PPP1R12A: variants seen among roughly 807,000 people sequenced by gnomAD.
PPP1R12A encodes myosin binding subunit.
In PPP1R12A, 19 loss-of-function variants were observed where a neutral mutation model predicts 139.6. The observed-to-expected ratio is 0.14, with a 90% CI of 0.09 to 0.20. The LOEUF is 0.20. Ranked by LOEUF, PPP1R12A falls within the 10% of genes least tolerant of loss-of-function variation. The pLI is 1.00. For synonymous variants in PPP1R12A, 427 were observed against 420.6 expected, an observed-to-expected ratio of 1.02 and a Z score of -0.19; for missense variants, 925 against 1,211.5, an observed-to-expected ratio of 0.76 and a Z score of 3.51.
chr12:79,873,840 T>C (rs1290317373), intron 1 of PPP1R12A, among the ~76,000 whole-genome samples: 2 of 152,208 alleles, frequency 1.3e-5, no homozygotes, highest in African/African-American at 4.8e-5. Context: ...TGAAAAGCAC[T>C]TGTGACATTG....
chr12:79,817,915 G>A (rs1195125336), intron 8 of PPP1R12A, among the ~76,000 whole-genome samples: 1 of 152,194 alleles, frequency 6.6e-6, no homozygotes, highest in African/African-American at 2.4e-5. Flanking sequence ...ATCTAAAACT[G>A]ATGGTTCCTC....
In PPP1R12A at chr12:79,796,172, T is replaced by C. The variant is rs556757063; in HGVS notation, c.2462-413A>G. On this transcript the variant is annotated intron_variant, in intron 17 of 24. Coordinates refer to ENST00000450142, the MANE Select transcript of PPP1R12A (RefSeq NM_002480.3). ...TTACTACTGATATTATCATGACTAA[T>C]ACTGTAAGATTTAGGCTTTAAAATA... Among the ~76,000 whole-genome samples the C allele has an allele frequency of 9.2e-5, 14 of 152,296 alleles. No individual in the cohort carries two copies. In the South Asian group the frequency reaches 2.9e-3, roughly 32 times the overall value.
intron 14 of PPP1R12A, among the ~76,000 whole-genome samples, chr12:79,804,658 T>C (rs937759921): frequency 1.3e-5 from 2 of 151,594 alleles, no homozygotes; most frequent in African/African-American, 4.8e-5. Flanking sequence ...AAAAAAAAAT[T>C]AGTTACATAG....
intron 3 of PPP1R12A, among the ~76,000 whole-genome samples, chr12:79,842,708 C>CT (rs1002284417): frequency 1.6e-4 from 23 of 147,764 alleles, no homozygotes; most frequent in South Asian, 6.5e-4. Context: ...ACCATCTTAA[C>CT]TTTTTTTTTT....
At chr12:79,820,016 T>C (rs1875896123) in intron 8 of PPP1R12A, among the ~76,000 whole-genome samples, 1 of 150,670 alleles carries the variant, frequency 6.6e-6, no homozygotes, top group South Asian at 2.1e-4. Flanking sequence ...AAAAGATGTA[T>C]AACAATTCCT....
Position 79,873,496 on chromosome 12 carries a change from T to TAAA in PPP1R12A, c.238-561_238-559dup, listed in dbSNP as rs35604870. Among the ~76,000 whole-genome samples, 392 of 134,758 alleles carry TAAA rather than the reference T, an allele frequency of 2.9e-3. 2 individuals are homozygous for TAAA. The highest frequency in any genetic ancestry group is 0.01 in the African/African-American group (367 of 35,926). The allele number at this position is 134,758 out of a possible 152,430, so 88.4% of individuals were successfully genotyped here. A position where few individuals can be genotyped will look rare whatever the true frequency, so the allele number is the denominator to read the frequency against. ...TTTCAACCACTTTGTACTCATAATT[T>TAAA]AAAAAAAAAAAAAAAAAAACATTGC... On this transcript the variant is annotated intron_variant, in intron 1 of 24. Coordinates refer to ENST00000450142, the MANE Select transcript of PPP1R12A (RefSeq NM_002480.3).
At chr12:79,806,476 G>A (rs747960007) in intron 12 of PPP1R12A, 143 bp from the exon 13 acceptor site, 2 of 695,258 alleles carry the variant, frequency 2.9e-6, no homozygotes, top group Non-Finnish European at 4.6e-6. Context: ...AGCACCAAGA[G>A]TTGCATCTAC....
At chr12:79,857,705 A>G (rs1218169439) in intron 2 of PPP1R12A, among the ~76,000 whole-genome samples, 3 of 152,190 alleles carry the variant, frequency 2.0e-5, no homozygotes, top group African/African-American at 7.2e-5. Context: ...TGGTCCATTT[A>G]GTCTACCAAG....
intron 1 of PPP1R12A, among the ~76,000 whole-genome samples, chr12:79,903,049 T>C (rs1351397935): frequency 6.6e-6 from 1 of 152,046 alleles, no homozygotes; most frequent in Non-Finnish European, 1.5e-5. Flanking sequence ...TCAAGAGTAA[T>C]GGTGATGCCA....
rs1869531334 is a variant in PPP1R12A, at chr12:79,774,482, T to C, written c.*1447A>G. The stretch of plus-strand genomic sequence containing the variant: ...ACTATAAGCTTTACAATGTACAATT[T>C]ATTCAAATGGCTGAACTGTTCAGTG... On this transcript the variant is annotated 3_prime_UTR_variant, in exon 25 of 25. Coordinates refer to ENST00000450142, the MANE Select transcript of PPP1R12A (RefSeq NM_002480.3). 6.6e-6 allele frequency: 1 copy of C among 152,610 alleles called. No individual in the cohort carries two copies. The highest frequency in any genetic ancestry group is 1.5e-5 in the Non-Finnish European group (1 of 67,996). 9.5% of individuals were successfully genotyped at this position (152,610 alleles called of 1,614,324 possible). A position where few individuals can be genotyped will look rare whatever the true frequency, so the allele number is the denominator to read the frequency against.
intron 1 of PPP1R12A, among the ~76,000 whole-genome samples, chr12:79,917,832 TAG>T (rs1174019550): frequency 2.6e-5 from 4 of 152,234 alleles, no homozygotes; most frequent in Non-Finnish European, 5.9e-5. Context: ...TGAGAGAAGT[TAG>T]AGATTGTTAA....
chr12:79,926,183 A>G (rs1222425502), intron 1 of PPP1R12A, among the ~76,000 whole-genome samples: 1 of 152,088 alleles, frequency 6.6e-6, no homozygotes, highest in Non-Finnish European at 1.5e-5. Flanking sequence ...TAAATCTAAC[A>G]TCCCAATAAT....
rs564799693 is a variant in PPP1R12A, at chr12:79,919,754, T to A, written c.237+14941A>T. ...TGTCTGGCTGTTCTGTTCACCATCA[T>A]AATTATAGTGACTAATACCAAGCCT... is the stretch of plus-strand genomic sequence containing the variant. On this transcript the variant is annotated intron_variant, in intron 1 of 24. Coordinates refer to ENST00000450142, the MANE Select transcript of PPP1R12A (RefSeq NM_002480.3). Among the ~76,000 whole-genome samples the A allele has an allele frequency of 5.9e-5, 9 of 152,286 alleles. No individual in the cohort carries two copies. The South Asian group carries it at 1.9e-3, about 32-fold the overall frequency.
chr12:79,776,424 G>C (rs1163472786), intron 24 of PPP1R12A, among the ~76,000 whole-genome samples: 5 of 151,938 alleles, frequency 3.3e-5, no homozygotes, highest in African/African-American at 1.2e-4. Context: ...ACTTAATATT[G>C]TTCCACAAGA....
At chr12:79,917,649 C>CAA (rs148865958) in intron 1 of PPP1R12A, among the ~76,000 whole-genome samples, 2 of 151,854 alleles carry the variant, frequency 1.3e-5, no homozygotes, top group African/African-American at 4.8e-5. Context: ...TTAAAACATG[C>CAA]AAAAAACCCT....
In PPP1R12A at chr12:79,790,453, T is replaced by C. The variant is rs537104457; in HGVS notation, c.2666+14A>G. On this transcript the variant is annotated intron_variant, in intron 20 of 24. Coordinates refer to ENST00000450142, the MANE Select transcript of PPP1R12A (RefSeq NM_002480.3). ...TAAGAAAAAAATGTCAGTTAAAAAA[T>C]AAATAAAACATACCTAGAAATGGAA... is the stretch of plus-strand genomic sequence containing the variant. The C allele has an allele frequency of 1.5e-6, 2 of 1,321,994 alleles. No individual in the cohort carries two copies. The highest frequency in any genetic ancestry group is 1.5e-5 in the African/African-American group (1 of 66,630). 81.9% of individuals were successfully genotyped at this position (1,321,994 alleles called of 1,614,324 possible). A position where few individuals can be genotyped will look rare whatever the true frequency, so the allele number is the denominator to read the frequency against.
chr12:79,914,213 T>A (rs190514936), intron 1 of PPP1R12A, among the ~76,000 whole-genome samples: 16 of 152,144 alleles, frequency 1.1e-4, no homozygotes, highest in Admixed American at 1.0e-3. Context: ...TTTTTTAGCA[T>A]TAAAATAATA....
Position 79,934,727 on chromosome 12 carries a change from C to A in PPP1R12A, c.205G>T (p.Ala69Ser). Residue 69 changes from alanine to serine, a missense_variant, in exon 1 of 25, where the codon GCC becomes TCC. Ala to Ser is a moderately conservative substitution (Grantham distance 99). Coordinates refer to ENST00000450142, the MANE Select transcript of PPP1R12A (RefSeq NM_002480.3). ...LLHRGADINY[A>S]NVDGLTALHQ... ...AGGGCAGTGAGTCCGTCCACATTGG[C>A]GTAATTGATGTCGGCGCCGCGGTGC... is the stretch of plus-strand genomic sequence containing the variant. 6.5e-7 allele frequency: 1 copy of A among 1,548,984 alleles called. No homozygotes were observed. Among genetic ancestry groups the A allele is most frequent in the Non-Finnish European group, 8.7e-7 (1 of 1,145,536 alleles).
chr12:79,847,515 T>C (rs1395016444), intron 2 of PPP1R12A, among the ~76,000 whole-genome samples: 3 of 152,196 alleles, frequency 2.0e-5, no homozygotes, highest in African/African-American at 4.8e-5. Context: ...CTTATGTACA[T>C]TCCTTGCTGG....
Sources: allele counts gnomAD v4.1 joint callset (sites outside exome capture counted in the v4.1 genomes callset), GRCh38; gene constraint gnomAD v4.1.1; transcripts MANE v1.5; gene names NCBI Gene and HGNC (gene_info 2026-07-23, HGNC 2026-07-21).